Variants in SUN1 observed in about 807,000 individuals in gnomAD.
The protein encoded by SUN1 is Sad1 and UNC84 domain containing 1.
SUN1 carries 61 observed loss-of-function variants against 103.2 expected under a neutral mutation model. The ratio of observed to expected loss-of-function variants is 0.59; its 90% CI spans 0.48 to 0.73. The LOEUF (loss-of-function observed/expected upper bound fraction) is 0.73, where lower values mean the gene tolerates loss of function less well. SUN1 is among the 30% of genes least tolerant of loss of function. The probability of loss-of-function intolerance (pLI) is 0.00; values close to 1 mark genes in which losing one functional copy is unlikely to be tolerated. For synonymous variants in SUN1, 490 were observed against 425.7 expected (o/e 1.15, Z -1.86); for missense variants, 1,052 against 1,034.6 (o/e 1.02, Z -0.23).
chr7:848,407 T>C (rs753469006), intron 5 of SUN1: 1 of 1,349,244 alleles, frequency 7.4e-7, no homozygotes, highest in South Asian at 1.2e-5. Flanking sequence ...ATGTTCATGG[T>C]TTTTTAATAG....
intron 16 of SUN1, 49 bp downstream of exon 16, chr7:866,116 G>T: frequency 2.0e-6 from 3 of 1,536,700 alleles, no homozygotes; most frequent in Non-Finnish European, 2.7e-6. Context: ...CATGGACTCG[G>T]TTAGTGTTCA....
chr7:866,293 C>T (rs898353627), intron 16 of SUN1, among the ~76,000 whole-genome samples: 24 of 152,272 alleles, frequency 1.6e-4, no homozygotes, highest in African/African-American at 4.1e-4. Flanking sequence ...CAGATGGGAC[C>T]GTGTGGCACA....
chr7:830,837 C>T (rs1797253743), upstream of SUN1: 1 of 595,810 alleles, frequency 1.7e-6, no homozygotes, highest in Non-Finnish European at 2.1e-6. Context: ...AGTGGGCGTT[C>T]GCTGAGCCCA....
intron 1 of SUN1, among the ~76,000 whole-genome samples, chr7:820,739 G>A (rs1785115326): frequency 6.6e-6 from 1 of 152,176 alleles, no homozygotes. Flanking sequence ...CTTGTTGAGT[G>A]TTTTTACTAT....
Position 817,624 on chromosome 7 carries a change from A to G in SUN1, c.-74+951A>G, listed in dbSNP as rs78992736. 4.5e-3 allele frequency: 5,317 copies of G among 1,173,064 alleles called. 46 individuals are homozygous for G. Among genetic ancestry groups the G allele is most frequent in the East Asian group, 0.032 (1,232 of 38,762 alleles). The allele number at this position is 1,173,064 out of a possible 1,614,324, so 72.7% of individuals were successfully genotyped here. A position where few individuals can be genotyped will look rare whatever the true frequency, so the allele number is the denominator to read the frequency against. The stretch of plus-strand genomic sequence containing the variant: ...CTAAGCTTCAGTCATAGTATTGCCC[A>G]TGAAGTGCTTGCGGCTCTAATTGCT... On this transcript the variant is annotated intron_variant, in intron 1 of 17. Transcript: ENST00000389574.
At position 874,773 on chromosome 7, in the gene SUN1, G is replaced by T. The variant is rs1843440048; in HGVS notation, c.*1442G>T. ...AATTTATTTTTAAAGATGCAAGATA[G>T]GACTTTGTGCAATGTATTTTTGTAA... On this transcript the variant is annotated 3_prime_UTR_variant, in exon 19 of 19. Transcript: ENST00000401592. 6.6e-6 allele frequency: 1 copy of T among 152,234 alleles called. No individual in the cohort carries two copies. The highest frequency in any genetic ancestry group is 2.4e-5 in the African/African-American group (1 of 41,442). 9.4% of individuals were successfully genotyped at this position (152,234 alleles called of 1,614,324 possible).
At chr7:829,782 T>G (rs1304536284), upstream of SUN1, among the ~76,000 whole-genome samples, 1 of 152,010 alleles carries the variant, frequency 6.6e-6, no homozygotes. Context: ...TCTCGATCTC[T>G]CGACCTCATG....
In SUN1 at chr7:860,232, C is replaced by T. The variant is rs1226113764; in HGVS notation, c.1629C>T (p.Ser543=). 3 of 1,614,130 alleles carry T rather than the reference C, an allele frequency of 1.9e-6. No individual in the cohort carries two copies. The highest frequency in any genetic ancestry group is 1.3e-5 in the African/African-American group (1 of 74,954). Residue 543 remains serine (S), a synonymous_variant, in exon 14 of 19, where the codon AGC becomes AGT. Transcript: ENST00000401592. ...LLQRFSSQFV[S]KGDLQTMLRD... The stretch of plus-strand genomic sequence containing the variant: ...AGAGGTTCTCATCACAGTTTGTGAG[C>T]AAAGGCGACTTGCAGACGATGCTGC...
Position 838,751 on chromosome 7 carries a change from TG to T in SUN1, c.78-42del. Reference sequence around the variant, plus strand: ...ATGGTTTGTTCATTTTGTTTCAGAATGGGGGCTATAAGCACTGCTTACCTCT... The same window carrying T: ...ATGGTTTGTTCATTTTGTTTCAGAATGGGGCTATAAGCACTGCTTACCTCT... On this transcript the variant is annotated intron_variant, in intron 1 of 18. Coordinates refer to ENST00000401592, the MANE Select transcript of SUN1 (RefSeq NM_001130965.3). 6 of 1,450,622 alleles carry T rather than the reference TG, an allele frequency of 4.1e-6. No individual in the cohort carries two copies. In the South Asian group the frequency reaches 7.2e-5, roughly 17 times the overall value. 89.9% of individuals were successfully genotyped at this position (1,450,622 alleles called of 1,614,324 possible). A position where few individuals can be genotyped will look rare whatever the true frequency, so the allele number is the denominator to read the frequency against.
intron 1 of SUN1, among the ~76,000 whole-genome samples, chr7:821,158 CTTTTTTTTTTTTTTTTT>C (rs71546461): frequency 1.4e-5 from 1 of 68,978 alleles, no homozygotes; most frequent in African/African-American, 5.8e-5. Flanking sequence ...TTCAGCACAT[CTTTTTTTTTTTTTTTTT>C]TTTTTTTTTT....
upstream of SUN1, among the ~76,000 whole-genome samples, chr7:827,669 C>CGTGTTAG: frequency 6.6e-6 from 1 of 151,846 alleles, no homozygotes; most frequent in Non-Finnish European, 1.5e-5. Context: ...TGGGGTTTCA[C>CGTGTTAG]CATTCACAGG....
At chr7:851,564 T>A in intron 6 of SUN1, 82 bp downstream of exon 6, 2 of 1,200,198 alleles carry the variant, frequency 1.7e-6, no homozygotes, top group Non-Finnish European at 2.4e-6. Context: ...CCTAACCAAG[T>A]AAAAATCTCA....
At chr7:856,709 G>A (rs553474524) in intron 12 of SUN1, among the ~76,000 whole-genome samples, 1 of 152,334 alleles carries the variant, frequency 6.6e-6, no homozygotes, top group Admixed American at 6.5e-5. Flanking sequence ...CAACCTCAGG[G>A]AGTAGGTCAA....
At chr7:848,076 C>G (rs1015393704) in intron 5 of SUN1, among the ~76,000 whole-genome samples, 4 of 151,492 alleles carry the variant, frequency 2.6e-5, no homozygotes, top group Non-Finnish European at 3.0e-5. Flanking sequence ...AGCGCCCTCT[C>G]TGGGATCTCC....
At chr7:817,116 G>A (rs1054174746) in intron 1 of SUN1, among the ~76,000 whole-genome samples, 2 of 152,038 alleles carry the variant, frequency 1.3e-5, no homozygotes, top group African/African-American at 4.8e-5. Context: ...GGCCGTGGGT[G>A]GGGTGGTGGG....
At chr7:832,079 G>A, upstream of SUN1, 1 of 994,028 alleles carries the variant, frequency 1.0e-6, no homozygotes, top group Non-Finnish European at 1.2e-6. Context: ...CGCATACGCT[G>A]CTGCTTGACC....
chr7:818,323 A>C (rs955093381), intron 1 of SUN1, among the ~76,000 whole-genome samples: 1 of 152,218 alleles, frequency 6.6e-6, no homozygotes, highest in African/African-American at 2.4e-5. Context: ...CTTTCACTTA[A>C]GATAATGTCT....
intron 11 of SUN1, among the ~76,000 whole-genome samples, chr7:855,331 C>A (rs1236120647): frequency 6.6e-6 from 1 of 152,234 alleles, no homozygotes; most frequent in Non-Finnish European, 1.5e-5. Context: ...CTCACTGCCA[C>A]ACACCCACCT....
At chr7:868,502 G>T (rs541317575) in intron 16 of SUN1, 37 of 309,870 alleles carry the variant, frequency 1.2e-4, no homozygotes, top group South Asian at 9.9e-4. Flanking sequence ...TGGGGGGGCA[G>T]TGCTGGTTCC....
Sources: gnomAD v4.1 joint callset for allele counts (sites outside exome capture counted in the v4.1 genomes callset) on GRCh38, gnomAD v4.1.1 for gene constraint, MANE v1.5 for transcripts, NCBI Gene and HGNC (gene_info 2026-07-23, HGNC 2026-07-21) for gene names.